Variants in CCDC171 observed in about 807,000 individuals in gnomAD.
CCDC171 encodes the protein coiled-coil domain-containing protein 171.
In CCDC171, 177 loss-of-function variants were observed where a neutral mutation model predicts 168.2. The ratio of observed to expected loss-of-function variants is 1.05; its 90% CI spans 0.93 to 1.19. The LOEUF (loss-of-function observed/expected upper bound fraction) is 1.19. Among genes scored for constraint, CCDC171 ranks in the 50% most tolerant of loss-of-function variants. The probability of loss-of-function intolerance (pLI) is 0.00; values close to 1 mark genes in which losing one functional copy is unlikely to be tolerated. For missense variants in CCDC171, 1,991 were observed against 1,539.0 expected, an observed-to-expected ratio of 1.29 and a Z score of -4.91; for synonymous variants, 687 against 540.8, an observed-to-expected ratio of 1.27 and a Z score of -3.75.
At chr9:16,013,152 A>G (rs1832917593) in intron 3 of CCDC171, among the ~76,000 whole-genome samples, 1 of 152,126 alleles carries the variant, frequency 6.6e-6, no homozygotes, top group Non-Finnish European at 1.5e-5. Context: ...TCTTTCCAGT[A>G]TTCAAAACCA....
chr9:15,952,978 A>G (rs1160273766), intron 25 of CCDC171, among the ~76,000 whole-genome samples: 1 of 152,040 alleles, frequency 6.6e-6, no homozygotes, highest in Non-Finnish European at 1.5e-5. Flanking sequence ...TGCTTTTCAT[A>G]TCATTTATTG....
chr9:15,809,070 C>T (rs1588629849), intron 21 of CCDC171, among the ~76,000 whole-genome samples: 1 of 152,260 alleles, frequency 6.6e-6, no homozygotes, highest in East Asian at 1.9e-4. Flanking sequence ...ATGGTTTAGT[C>T]ACCTCCCAAA....
intron 20 of CCDC171, among the ~76,000 whole-genome samples, chr9:15,782,098 C>G (rs1489180956): frequency 6.6e-6 from 1 of 152,122 alleles, no homozygotes; most frequent in Non-Finnish European, 1.5e-5. Flanking sequence ...TGGTAGTTTC[C>G]TCTAAGAAAA....
intron 3 of CCDC171, among the ~76,000 whole-genome samples, chr9:15,994,342 A>G (rs1832302563): frequency 6.6e-6 from 1 of 152,182 alleles, no homozygotes; most frequent in Non-Finnish European, 1.5e-5. Context: ...AAGGACAAAA[A>G]TCCAAACACC....
At chr9:15,768,547 A>G (rs1437497644) in intron 18 of CCDC171, among the ~76,000 whole-genome samples, 2 of 152,208 alleles carry the variant, frequency 1.3e-5, no homozygotes, top group African/African-American at 4.8e-5. Context: ...TTTGGACGAG[A>G]GTTATTGAAA....
In CCDC171 at chr9:15,833,301, T is replaced by C. The variant is rs1588743104; in HGVS notation, c.3268-13401T>C. Among the ~76,000 whole-genome samples, 4 of 152,250 alleles carry C rather than the reference T, an allele frequency of 2.6e-5. No homozygotes were observed. In the South Asian group the frequency reaches 8.3e-4, roughly 32 times the overall value. On this transcript the variant is annotated intron_variant, in intron 21 of 25. Transcript: ENST00000380701. ...ACCACCACACCCGGCCTCATTATGA[T>C]CTCATGAGAGTACTGTAGTATACAT...
intron 7 of CCDC171, among the ~76,000 whole-genome samples, chr9:15,638,842 G>C (rs1244786973): frequency 6.6e-6 from 1 of 151,752 alleles, no homozygotes; most frequent in Admixed American, 6.6e-5. Flanking sequence ...AAGCAAACTG[G>C]AAAAAGAAAT....
chr9:15,851,996 G>A (rs1334814649), intron 23 of CCDC171, among the ~76,000 whole-genome samples: 1 of 151,902 alleles, frequency 6.6e-6, no homozygotes, highest in African/African-American at 2.4e-5. Flanking sequence ...TAGACACTGG[G>A]TTGTTTCCAC....
chr9:15,637,318 C>G (rs150826170), intron 7 of CCDC171, among the ~76,000 whole-genome samples: 1 of 151,960 alleles, frequency 6.6e-6, no homozygotes, highest in Non-Finnish European at 1.5e-5. Flanking sequence ...TAAACCTAAA[C>G]TTTAAGGTGT....
At chr9:16,082,055 CT>C in the CCDC171 span, among the ~76,000 whole-genome samples, 3 of 152,050 alleles carry the variant, frequency 2.0e-5, no homozygotes, top group Non-Finnish European at 2.9e-5. Flanking sequence ...CAAAAACCTG[CT>C]CTTGATTTTG....
At chr9:15,861,724 G>T (rs1018074215) in intron 23 of CCDC171, among the ~76,000 whole-genome samples, 5 of 151,792 alleles carry the variant, frequency 3.3e-5, no homozygotes, top group Admixed American at 2.0e-4. Context: ...TTTACTTATA[G>T]TTGTTTTTAA....
intron 3 of CCDC171, among the ~76,000 whole-genome samples, chr9:16,007,547 A>G (rs1331683979): frequency 6.6e-6 from 1 of 152,138 alleles, no homozygotes; most frequent in African/African-American, 2.4e-5. Flanking sequence ...GTTTTCTTCT[A>G]GGGTTTTTAT....
Position 15,784,671 on chromosome 9 carries a change from C to T in CCDC171, c.3244C>T (p.Gln1082Ter), listed in dbSNP as rs1337997188. ...LHSSEEADKN[Q>*]TLGEAVKSLS... ...CTCCAGTGAGGAAGCTGACAAAAAC[C>T]AAACTCTTGGAGAAGCTGTTAAGGT... The change falls in exon 21 of 26, where the codon CAA (glutamine) becomes TAA (stop). Residue 1082 changes from glutamine to a stop codon, truncating the protein, a stop_gained. Coordinates refer to ENST00000380701, the MANE Select transcript of CCDC171 (RefSeq NM_173550.4). LOFTEE classifies it high-confidence loss of function. 1 of 1,612,378 alleles carries T rather than the reference C, an allele frequency of 6.2e-7. No homozygotes were observed. The highest frequency in any genetic ancestry group is 2.2e-5 in the East Asian group (1 of 44,802).
intron 3 of CCDC171, among the ~76,000 whole-genome samples, chr9:15,993,501 A>C (rs574378736): frequency 6.6e-6 from 1 of 152,232 alleles, no homozygotes; most frequent in Non-Finnish European, 1.5e-5. Context: ...CTAGAAAAAA[A>C]CCTAGGCAGT....
intron 10 of CCDC171, among the ~76,000 whole-genome samples, chr9:15,693,851 C>G (rs887753785): frequency 5.3e-5 from 8 of 152,118 alleles, no homozygotes; most frequent in African/African-American, 1.9e-4. Flanking sequence ...CAACTACTGC[C>G]CTTTATCTCA....
intron 8 of CCDC171, among the ~76,000 whole-genome samples, chr9:15,661,577 A>G (rs2048327540): frequency 6.6e-6 from 1 of 152,244 alleles, no homozygotes; most frequent in Non-Finnish European, 1.5e-5. Context: ...AGGTACATCT[A>G]CTACCTTTCG....
At chr9:15,702,313 C>G (rs534913335) in intron 11 of CCDC171, among the ~76,000 whole-genome samples, 1 of 152,236 alleles carries the variant, frequency 6.6e-6, no homozygotes, top group African/African-American at 2.4e-5. Context: ...GCTTTATCAA[C>G]TCTGCCTGTG....
intron 9 of CCDC171, among the ~76,000 whole-genome samples, chr9:15,670,007 A>T (rs1376862792): frequency 1.3e-5 from 2 of 149,840 alleles, no homozygotes; most frequent in African/African-American, 4.9e-5. Flanking sequence ...AAGGGATCCT[A>T]GCTACAAACT....
chr9:15,646,284 T>G (rs2047030226), intron 7 of CCDC171, among the ~76,000 whole-genome samples: 1 of 152,188 alleles, frequency 6.6e-6, no homozygotes, highest in East Asian at 1.9e-4. Flanking sequence ...TACGAGCCCC[T>G]GCAAAAATAT....
Sources: allele counts gnomAD v4.1 joint callset (sites outside exome capture counted in the v4.1 genomes callset), GRCh38; gene constraint gnomAD v4.1.1; transcripts MANE v1.5; gene names NCBI Gene and HGNC (gene_info 2026-07-23, HGNC 2026-07-21).